Variants in TRPM3 observed in about 807,000 individuals in gnomAD.
The protein encoded by TRPM3 is long transient receptor potential channel 3.
In TRPM3, 77 loss-of-function variants were observed where a neutral mutation model predicts 181.2. The ratio of observed to expected loss-of-function variants is 0.42; its 90% confidence interval spans 0.35 to 0.51. TRPM3 has a LOEUF of 0.51. Among genes scored for constraint, TRPM3 ranks in the 20% least tolerant of loss-of-function variants. The pLI is 0.01. For synonymous variants in TRPM3, 745 were observed against 796.4 expected (o/e 0.94, Z 1.09); for missense variants, 1,759 against 2,196.7 (o/e 0.80, Z 3.98).
intron 12 of TRPM3, among the ~76,000 whole-genome samples, chr9:70,628,873 C>T (rs951852690): frequency 2.0e-5 from 3 of 147,290 alleles, no homozygotes; most frequent in South Asian, 4.4e-4. Flanking sequence ...AGCCTAACAC[C>T]TATGTATTTT....
At chr9:70,686,054 T>C (rs553346568) in intron 8 of TRPM3, among the ~76,000 whole-genome samples, 1 of 150,818 alleles carries the variant, frequency 6.6e-6, no homozygotes, top group African/African-American at 2.4e-5. Flanking sequence ...TATATATGTG[T>C]GTATATACAT....
At chr9:70,974,006 A>G (rs551123252) in intron 1 of TRPM3, among the ~76,000 whole-genome samples, 34 of 152,320 alleles carry the variant, frequency 2.2e-4, no homozygotes, top group African/African-American at 7.5e-4. Flanking sequence ...ATATGTATGC[A>G]CTACATAAAT....
At chr9:70,867,668 TAGAAAAGTATAAGACACAATAG>T (rs1448965226) in intron 1 of TRPM3, among the ~76,000 whole-genome samples, 1 of 152,052 alleles carries the variant, frequency 6.6e-6, no homozygotes, top group Non-Finnish European at 1.5e-5. Context: ...TTTCATTGAG[TAGAAAAGTATAAGACACAATAG>T]AAAGAATGCA....
chr9:70,769,602 C>T (rs949833081), intron 7 of TRPM3, among the ~76,000 whole-genome samples: 1 of 151,850 alleles, frequency 6.6e-6, no homozygotes, highest in Non-Finnish European at 1.5e-5. Context: ...TGCAGTGTAT[C>T]CCATGTTATT....
intron 1 of TRPM3, among the ~76,000 whole-genome samples, chr9:71,004,963 G>A (rs1301265883): frequency 6.6e-6 from 1 of 152,106 alleles, no homozygotes; most frequent in Non-Finnish European, 1.5e-5. Context: ...GAGTAAAGAA[G>A]GCTTATGACA....
chr9:71,046,773 G>A (rs1426135102), intron 1 of TRPM3, among the ~76,000 whole-genome samples: 7 of 152,180 alleles, frequency 4.6e-5, no homozygotes, highest in Non-Finnish European at 7.3e-5. Flanking sequence ...TGAAAGTGTT[G>A]TAAAAGCAAC....
At chr9:71,284,494 T>C (rs1431950897) in intron 1 of TRPM3, among the ~76,000 whole-genome samples, 1 of 152,232 alleles carries the variant, frequency 6.6e-6, no homozygotes, top group African/African-American at 2.4e-5. Flanking sequence ...ACAGGTTGTC[T>C]CTCAGCTCGC....
chr9:70,784,182 C>A lies in TRPM3; in HGVS notation c.1071G>T (p.Val357=), dbSNP rs966913322. 12 of 1,613,772 alleles carry A rather than the reference C, an allele frequency of 7.4e-6. No homozygotes were observed. Among genetic ancestry groups the A allele is most frequent in the Non-Finnish European group, 9.3e-6 (11 of 1,179,832 alleles). Residue 357 remains valine, a synonymous_variant, in exon 7 of 26, where the codon GTG becomes GTT. Transcript: ENST00000677713. ...CACTCCCATCACAGACAACCACTGG[C>A]ACGGGAGGGGTGTCTCGAAGGTACT... The part of the protein sequence containing the change: ...VLEYLRDTPP[V]PVVVCDGSGR...
Position 70,593,581 on chromosome 9 carries a change from T to C in TRPM3, c.3049-2376A>G, listed in dbSNP as rs374000679. On this transcript the variant is annotated intron_variant, in intron 21 of 25. Transcript: ENST00000677713. The stretch of plus-strand genomic sequence containing the variant: ...TTTTGTTCAGATTGATTGTGCTATC[T>C]ATCCAAAGGGTCAAAACAATCAAAG... 6.6e-4 allele frequency among the ~76,000 whole-genome samples: 100 copies of C among 152,268 alleles called. 2 individuals are homozygous for C. In the South Asian group the frequency reaches 0.019, roughly 29 times the overall value.
chr9:71,001,156 A>G (rs2097595381), intron 1 of TRPM3, among the ~76,000 whole-genome samples: 1 of 152,206 alleles, frequency 6.6e-6, no homozygotes, highest in Admixed American at 6.5e-5. Flanking sequence ...CTTTGAACCC[A>G]AAGCCAGTTC....
intron 1 of TRPM3, among the ~76,000 whole-genome samples, chr9:70,944,914 G>A (rs1034866051): frequency 6.6e-6 from 1 of 150,892 alleles, no homozygotes; most frequent in African/African-American, 2.4e-5. Context: ...CCACATAAAA[G>A]CCTCAGTAAA....
intron 1 of TRPM3, among the ~76,000 whole-genome samples, chr9:71,351,880 T>G (rs981143194): frequency 2.2e-5 from 1 of 46,146 alleles, no homozygotes; most frequent in East Asian, 4.1e-4. Context: ...GTTTTTGTTT[T>G]TTTTTTTTTT....
chr9:71,373,033 C>T (rs541428583), intron 1 of TRPM3, among the ~76,000 whole-genome samples: 1 of 152,058 alleles, frequency 6.6e-6, no homozygotes, highest in African/African-American at 2.4e-5. Context: ...CTTGGGTAAA[C>T]AAGGAAATTA....
chr9:70,844,449 C>T (rs2094858894), intron 4 of TRPM3, among the ~76,000 whole-genome samples: 1 of 149,954 alleles, frequency 6.7e-6, no homozygotes, highest in Non-Finnish European at 1.5e-5. Context: ...AACAAACAAA[C>T]AAACAAAAAC....
At chr9:70,762,927 A>C (rs2078408081) in intron 7 of TRPM3, among the ~76,000 whole-genome samples, 1 of 152,126 alleles carries the variant, frequency 6.6e-6, no homozygotes, top group African/African-American at 2.4e-5. Flanking sequence ...CTATTTGAGC[A>C]GGCAGTTGTG....
At chr9:71,008,168 A>C (rs1291340435) in intron 1 of TRPM3, among the ~76,000 whole-genome samples, 1 of 152,092 alleles carries the variant, frequency 6.6e-6, no homozygotes, top group East Asian at 1.9e-4. Flanking sequence ...GAAAATCCAA[A>C]AGAAACTTAT....
intron 8 of TRPM3, among the ~76,000 whole-genome samples, chr9:70,758,812 C>T (rs897146178): frequency 1.3e-5 from 2 of 152,162 alleles, no homozygotes; most frequent in Non-Finnish European, 2.9e-5. Context: ...CTTCCTTACA[C>T]CTTATACAAA....
intron 1 of TRPM3, among the ~76,000 whole-genome samples, chr9:71,221,905 A>G (rs2080265684): frequency 1.3e-5 from 2 of 152,250 alleles, no homozygotes; most frequent in South Asian, 2.1e-4. Context: ...CAGAGCTGCA[A>G]TGAGTGAATG....
At chr9:71,158,226 A>G (rs2076100485) in intron 1 of TRPM3, among the ~76,000 whole-genome samples, 1 of 152,142 alleles carries the variant, frequency 6.6e-6, no homozygotes, top group Non-Finnish European at 1.5e-5. Context: ...GATTCCCCCA[A>G]CAACTCTGGA....
Sources: allele counts gnomAD v4.1 joint callset (sites outside exome capture counted in the v4.1 genomes callset), GRCh38; gene constraint gnomAD v4.1.1; transcripts MANE v1.5; gene names NCBI Gene and HGNC (gene_info 2026-07-23, HGNC 2026-07-21).